HECA: variants seen among roughly 807,000 people sequenced by gnomAD.
The protein encoded by HECA is headcase protein homolog.
HECA carries 13 observed loss-of-function variants against 37.6 expected under a neutral mutation model. The ratio of observed to expected loss-of-function variants is 0.35; its 90% CI spans 0.23 to 0.55. The LOEUF (loss-of-function observed/expected upper bound fraction) is 0.55, where lower values mean the gene tolerates loss of function less well. HECA is among the 20% of genes least tolerant of loss of function. HECA has a pLI of 0.90. For missense variants in HECA, 527 were observed against 701.9 expected (o/e 0.75, Z 2.82); for synonymous variants, 307 against 291.5 (o/e 1.05, Z -0.54).
chr6:139,136,024 G>C (rs1188987370), intron 1 of HECA, among the ~76,000 whole-genome samples: 1 of 151,992 alleles, frequency 6.6e-6, no homozygotes, highest in Non-Finnish European at 1.5e-5. Flanking sequence ...CCCAAGTTGA[G>C]AAGAATGATC....
At chr6:139,156,227 G>A (rs571761571) in intron 1 of HECA, among the ~76,000 whole-genome samples, 3 of 151,734 alleles carry the variant, frequency 2.0e-5, no homozygotes, top group African/African-American at 7.2e-5. Flanking sequence ...TCTTTGACAG[G>A]GTCTGGCTCT....
At chr6:139,141,063 T>G (rs1333654367) in intron 1 of HECA, among the ~76,000 whole-genome samples, 1 of 152,214 alleles carries the variant, frequency 6.6e-6, no homozygotes, top group Non-Finnish European at 1.5e-5. Context: ...GTGCTGAGAT[T>G]ACAGGCGTGA....
intron 2 of HECA, among the ~76,000 whole-genome samples, chr6:139,170,737 T>C (rs1190834130): frequency 6.6e-6 from 1 of 152,130 alleles, no homozygotes; most frequent in East Asian, 1.9e-4. Context: ...TAAAGAACTT[T>C]GCTATATATT....
chr6:139,143,586 G>A (rs1457903210), intron 1 of HECA, among the ~76,000 whole-genome samples: 1 of 152,192 alleles, frequency 6.6e-6, no homozygotes, highest in African/African-American at 2.4e-5. Context: ...AACGCTGCCA[G>A]GCGTGGTGGC....
At chr6:139,136,267 TA>T (rs71674341) in intron 1 of HECA, among the ~76,000 whole-genome samples, 82,267 of 131,726 alleles carry the variant, frequency 0.62, 25,665 homozygotes, top group African/African-American at 0.68. Context: ...AGCCCGGAGT[TA>T]AAAAAAAAAA....
intron 2 of HECA, among the ~76,000 whole-genome samples, chr6:139,168,980 A>G (rs958467817): frequency 1.3e-5 from 2 of 152,148 alleles, no homozygotes; most frequent in Non-Finnish European, 2.9e-5. Context: ...CCACCCCTCC[A>G]TGAAGGTTTT....
intron 1 of HECA, among the ~76,000 whole-genome samples, chr6:139,143,821 A>T (rs1186385542): frequency 6.6e-6 from 1 of 150,708 alleles, no homozygotes; most frequent in Non-Finnish European, 1.5e-5. Flanking sequence ...AGATTGCGCC[A>T]CTGCACTCCA....
chr6:139,144,053 A>T (rs1774550010), intron 1 of HECA, among the ~76,000 whole-genome samples: 1 of 152,078 alleles, frequency 6.6e-6, no homozygotes, highest in Non-Finnish European at 1.5e-5. Flanking sequence ...CCCAGGATGT[A>T]CTTTGGGGGA....
At chr6:139,144,207 A>T (rs187856689) in intron 1 of HECA, 2 of 152,316 alleles carry the variant, frequency 1.3e-5, no homozygotes, top group East Asian at 3.9e-4. Flanking sequence ...TCATCCATTT[A>T]CTACATATTT....
At chr6:139,158,196 A>AT (rs1303220717) in intron 1 of HECA, among the ~76,000 whole-genome samples, 39 of 151,700 alleles carry the variant, frequency 2.6e-4, no homozygotes, top group African/African-American at 8.2e-4. Flanking sequence ...ACCTCTACAA[A>AT]ATTTTTTTAT....
At chr6:139,167,805 C>T (rs1774913159) in intron 2 of HECA, among the ~76,000 whole-genome samples, 1 of 152,110 alleles carries the variant, frequency 6.6e-6, no homozygotes, top group African/African-American at 2.4e-5. Context: ...AAAAGGTAAA[C>T]AGGATTATTG....
At chr6:139,150,147 G>C (rs1451918405) in intron 1 of HECA, among the ~76,000 whole-genome samples, 1 of 152,190 alleles carries the variant, frequency 6.6e-6, no homozygotes, top group African/African-American at 2.4e-5. Context: ...ATGTTCATCA[G>C]ACTTTCATGG....
intron 3 of HECA, among the ~76,000 whole-genome samples, chr6:139,175,954 A>G (rs565194439): frequency 2.0e-5 from 3 of 152,106 alleles, no homozygotes; most frequent in Non-Finnish European, 4.4e-5. Flanking sequence ...AAAATCAGTG[A>G]GGATACAAGT....
At chr6:139,142,451 T>G (rs1358567511) in intron 1 of HECA, among the ~76,000 whole-genome samples, 1 of 152,162 alleles carries the variant, frequency 6.6e-6, no homozygotes, top group Non-Finnish European at 1.5e-5. Context: ...GACATTGCTG[T>G]GGTCAGAGTG....
rs779300818 is a variant in HECA at position 139,179,854 on chromosome 6, A to C, written c.*2749A>C. 2 of 152,210 alleles carry C rather than the reference A, an allele frequency of 1.3e-5. No individual in the cohort carries two copies. The highest frequency in any genetic ancestry group is 2.9e-5 in the Non-Finnish European group (2 of 68,024). The allele number at this position is 152,210 out of a possible 1,614,324, so 9.4% of individuals were successfully genotyped here. A position where few individuals can be genotyped will look rare whatever the true frequency, so the allele number is the denominator to read the frequency against. On this transcript the variant is annotated 3_prime_UTR_variant, in exon 4 of 4. Coordinates refer to ENST00000367658, the MANE Select transcript of HECA (RefSeq NM_016217.3). ...TTTTCTGATGAATAGTGTTCAGTAA[A>C]ATGAAGCAGTCTTAAGAGTGACTAA...
chr6:139,162,256 C>T (rs928365475), intron 1 of HECA, among the ~76,000 whole-genome samples: 11 of 151,970 alleles, frequency 7.2e-5, no homozygotes, highest in African/African-American at 2.7e-4. Context: ...GGGGGGCAAT[C>T]CTGGTAAAAT....
chr6:139,135,341 C>A lies in HECA; in HGVS notation c.-56C>A. 1 of 1,257,540 alleles carries A rather than the reference C, an allele frequency of 8.0e-7. No individual in the cohort carries two copies. The highest frequency in any genetic ancestry group is 1.0e-6 in the Non-Finnish European group (1 of 972,260). The allele number at this position is 1,257,540 out of a possible 1,614,324, so 77.9% of individuals were successfully genotyped here. On this transcript the variant is annotated 5_prime_UTR_variant, in exon 1 of 4. Coordinates refer to ENST00000367658, the MANE Select transcript of HECA (RefSeq NM_016217.3). ...TCACGCAGGGCCGGGAACGGCCGTG[C>A]CTCTGGGATCCGCCTTCGCTGACGC...
In HECA at chr6:139,167,110, G is replaced by A. The variant is rs1774901144; in HGVS notation, c.1098G>A (p.Val366=). 1.2e-6 allele frequency: 2 copies of A among 1,614,186 alleles called. No homozygotes were observed. The highest frequency in any genetic ancestry group is 1.7e-6 in the Non-Finnish European group (2 of 1,180,036). Reference sequence around the variant, plus strand: ...GGCATAAGCTGAACACTTTCCACGTGCGCATGGAAGACGATGCCCAAGTGG... The same window carrying A: ...GGCATAAGCTGAACACTTTCCACGTACGCATGGAAGACGATGCCCAAGTGG... ...IPRHKLNTFH[V]RMEDDAQVGQ... is the part of the protein sequence containing the mutation. Residue 366 remains valine (V), a synonymous_variant, in exon 2 of 4, where the codon GTG becomes GTA. Transcript: ENST00000367658.
At chr6:139,140,287 T>C (rs1774498016) in intron 1 of HECA, among the ~76,000 whole-genome samples, 1 of 152,248 alleles carries the variant, frequency 6.6e-6, no homozygotes, top group African/African-American at 2.4e-5. Flanking sequence ...CTAAGGTATA[T>C]AGGTTACCAT....
Sources: allele counts gnomAD v4.1 joint callset (sites outside exome capture counted in the v4.1 genomes callset), GRCh38; gene constraint gnomAD v4.1.1; transcripts MANE v1.5; gene names NCBI Gene and HGNC (gene_info 2026-07-23, HGNC 2026-07-21).